The following FREM3 variants were observed in gnomAD, a reference collection of about 807,000 sequenced individuals.
The protein encoded by FREM3 is FRAS1-related extracellular matrix protein 3.
A neutral mutation model predicts 129.1 loss-of-function variants in FREM3; 105 were observed. That is an observed-to-expected ratio of 0.81 (90% CI 0.69 to 0.96). The LOEUF (loss-of-function observed/expected upper bound fraction) is 0.96. Ranked by LOEUF, FREM3 falls within the 40% of genes least tolerant of loss-of-function variation. The pLI is 0.00. For missense variants in FREM3, 2,593 were observed against 2,666.3 expected, an observed-to-expected ratio of 0.97 and a Z score of 0.61; for synonymous variants, 1,014 against 1,044.9, an observed-to-expected ratio of 0.97 and a Z score of 0.57.
In FREM3 at chr4:143,699,375, A is replaced by C. The variant is rs1454692691; in HGVS notation, c.1301T>G (p.Val434Gly). The change falls in exon 1 of 8, where the codon GTG becomes GGG. Residue 434 changes from valine to glycine, a missense_variant. Transcript: ENST00000329798. The surrounding 1 kb of genome is among the most constrained non-coding windows in gnomAD (Gnocchi z 4.2). Reference sequence around the variant, plus strand: ...CACAAGTCCCCTGTTATGGCTAGCCACTGGGACCAGAGTATTCATGGATTT... The same window carrying C: ...CACAAGTCCCCTGTTATGGCTAGCCCCTGGGACCAGAGTATTCATGGATTT... ...TVKSMNTLVP[V>G]ASHNRGLVLF... is the part of the protein sequence containing the mutation. 1 of 1,537,306 alleles carries C rather than the reference A, an allele frequency of 6.5e-7. No homozygotes were observed. The highest frequency in any genetic ancestry group is 2.4e-5 in the East Asian group (1 of 40,914).
At chr4:143,610,353 A>G (rs1436029505) in intron 6 of FREM3, among the ~76,000 whole-genome samples, 1 of 152,222 alleles carries the variant, frequency 6.6e-6, no homozygotes, top group African/African-American at 2.4e-5. Flanking sequence ...TAAACAGAAC[A>G]TGATAGTACA....
chr4:143,662,126 T>G (rs1407588618), intron 2 of FREM3, among the ~76,000 whole-genome samples: 3 of 152,172 alleles, frequency 2.0e-5, no homozygotes, highest in Non-Finnish European at 4.4e-5. Context: ...TCTTGCCTTC[T>G]GCTAGCTTTT....
intron 2 of FREM3, among the ~76,000 whole-genome samples, chr4:143,670,221 C>T (rs1355706047): frequency 6.6e-6 from 1 of 152,078 alleles, no homozygotes; most frequent in Non-Finnish European, 1.5e-5. Context: ...GATATGTGTT[C>T]AGTAAATGCC....
intron 2 of FREM3, among the ~76,000 whole-genome samples, chr4:143,658,077 AG>A (rs1739633048): frequency 2.0e-5 from 3 of 152,188 alleles, no homozygotes; most frequent in Non-Finnish European, 4.4e-5. Context: ...CCTCTTTTCT[AG>A]TTTTGTCTCT....
In FREM3 at chr4:143,622,204, G is replaced by A. The variant is rs147724056; in HGVS notation, c.5654-1042C>T. ...TGTCTCCCAGGTTCAAGCAACTCTC[G>A]TGCCTCAGCCTCCTGAGTAGCTGGG... On this transcript the variant is annotated intron_variant, in intron 4 of 7. Transcript: ENST00000329798. 6.4e-3 allele frequency among the ~76,000 whole-genome samples: 961 copies of A among 150,556 alleles called. 9 individuals carry two copies. The highest frequency in any genetic ancestry group is 8.6e-3 in the Non-Finnish European group (582 of 67,766).
intron 2 of FREM3, among the ~76,000 whole-genome samples, chr4:143,665,591 C>G (rs1337548761): frequency 6.6e-6 from 1 of 152,068 alleles, no homozygotes; most frequent in East Asian, 1.9e-4. Flanking sequence ...ATCCTAAACA[C>G]TTAAGTTGGG....
intron 6 of FREM3, among the ~76,000 whole-genome samples, chr4:143,599,523 T>C (rs1381300536): frequency 1.3e-5 from 2 of 152,158 alleles, no homozygotes; most frequent in Non-Finnish European, 2.9e-5. Context: ...CATTGGGATG[T>C]CATCCTTATA....
intron 6 of FREM3, among the ~76,000 whole-genome samples, chr4:143,587,562 C>G (rs1578821882): frequency 6.6e-6 from 1 of 152,214 alleles, no homozygotes; most frequent in East Asian, 1.9e-4. Context: ...ATTCTTTCTT[C>G]TCTTACCAAG....
intron 2 of FREM3, among the ~76,000 whole-genome samples, chr4:143,663,452 T>C (rs4425325): frequency 0.76 from 116,181 of 152,042 alleles, 44,814 homozygotes; most frequent in East Asian, 0.94. Context: ...CCGAGAGATC[T>C]GCTGTTAGTC....
At chr4:143,625,410 A>G (rs934813134) in intron 3 of FREM3, among the ~76,000 whole-genome samples, 9 of 152,216 alleles carry the variant, frequency 5.9e-5, no homozygotes, top group Non-Finnish European at 1.0e-4. Context: ...TCATACTCAA[A>G]TAATCTGAAA....
intron 7 of FREM3, among the ~76,000 whole-genome samples, chr4:143,580,444 C>G (rs1432687206): frequency 6.6e-6 from 1 of 152,166 alleles, no homozygotes. Flanking sequence ...ACTGGTGCCT[C>G]CAGACAGACA....
chr4:143,583,831 A>G (rs1738189922), intron 7 of FREM3, among the ~76,000 whole-genome samples: 1 of 152,226 alleles, frequency 6.6e-6, no homozygotes, highest in Non-Finnish European at 1.5e-5. Flanking sequence ...GAAATGAAAG[A>G]CCATTATGGC....
intron 2 of FREM3, among the ~76,000 whole-genome samples, chr4:143,665,992 C>G (rs992720533): frequency 6.6e-6 from 1 of 152,096 alleles, no homozygotes; most frequent in African/African-American, 2.4e-5. Flanking sequence ...AGTAATCAGT[C>G]TAGCTTATCT....
At chr4:143,652,494 A>G (rs1283631961) in intron 2 of FREM3, among the ~76,000 whole-genome samples, 1 of 152,186 alleles carries the variant, frequency 6.6e-6, no homozygotes, top group African/African-American at 2.4e-5. Flanking sequence ...AGTAATACAT[A>G]AAGAGTTTTA....
Position 143,697,463 on chromosome 4 carries a change from C to A in FREM3, c.3213G>T (p.Lys1071Asn), listed in dbSNP as rs1008946725. 1 of 1,537,218 alleles carries A rather than the reference C, an allele frequency of 6.5e-7. No individual in the cohort carries two copies. Among genetic ancestry groups the A allele is most frequent in the East Asian group, 2.4e-5 (1 of 40,918 alleles). ...CAATGAAGGACTCCCCGACGAAGAC[C>A]TTGGGTCCCACATTGTCCACAGGCA... ...TVLPVDNVGP[K>N]VFVGESFIVY... is the part of the protein sequence containing the mutation. The change falls in exon 1 of 8, where the codon AAG becomes AAT. Residue 1071 changes from lysine (K) to asparagine (N), a missense_variant. Physicochemically the swap from Lys to Asn is moderately conservative, Grantham distance 94 (BLOSUM62 0). This residue lies in a region of FREM3 where 2,276 missense variants were observed against 2,267.2 expected (regional missense o/e 1.00). Coordinates refer to ENST00000329798, the MANE Select transcript of FREM3 (RefSeq NM_001168235.2).
chr4:143,669,336 A>T (rs1035797612), intron 2 of FREM3, among the ~76,000 whole-genome samples: 1 of 152,202 alleles, frequency 6.6e-6, no homozygotes, highest in East Asian at 1.9e-4. Context: ...GAGAGGGTCT[A>T]GCTCTGTCAC....
chr4:143,685,188 A>G (rs949998504), intron 2 of FREM3, among the ~76,000 whole-genome samples: 4 of 152,178 alleles, frequency 2.6e-5, no homozygotes, highest in Admixed American at 2.6e-4. Flanking sequence ...ATCTTCACCT[A>G]GGCACATTGT....
At chr4:143,636,437 G>C (rs1221285593) in intron 2 of FREM3, among the ~76,000 whole-genome samples, 3 of 151,368 alleles carry the variant, frequency 2.0e-5, no homozygotes, top group Non-Finnish European at 4.4e-5. Flanking sequence ...AAAATGATTT[G>C]AGTGCACAGT....
At chr4:143,635,675 C>T (rs745750174) in intron 2 of FREM3, among the ~76,000 whole-genome samples, 3 of 152,190 alleles carry the variant, frequency 2.0e-5, no homozygotes, top group Non-Finnish European at 2.9e-5. Flanking sequence ...TCATATATCT[C>T]ACATGACTGT....
Sources: allele counts gnomAD v4.1 joint callset (sites outside exome capture counted in the v4.1 genomes callset), GRCh38; gene constraint gnomAD v4.1.1; regional missense constraint gnomAD v4.1.1; non-coding constraint Gnocchi (gnomAD v3.1); transcripts MANE v1.5; gene names NCBI Gene and HGNC (gene_info 2026-07-23, HGNC 2026-07-21).